The following RHOU variants were observed in gnomAD, a reference collection of about 807,000 sequenced individuals.
The protein encoded by RHOU is rho-related GTP-binding protein RhoU.
In RHOU, 8 loss-of-function variants were observed where a neutral mutation model predicts 12.6. The observed-to-expected ratio is 0.64, with a 90% CI of 0.37 to 1.15. The LOEUF (loss-of-function observed/expected upper bound fraction) is 1.15, where lower values mean the gene tolerates loss of function less well. Ranked by LOEUF, RHOU falls within the 50% of genes most tolerant of loss-of-function variation. RHOU has a pLI of 0.01. For synonymous variants in RHOU, 161 were observed against 147.4 expected (o/e 1.09, Z -0.67); for missense variants, 258 against 347.0 (o/e 0.74, Z 2.04).
chr1:228,668,350 T>C, the RHOU span, among the ~76,000 whole-genome samples: 9 of 152,184 alleles, frequency 5.9e-5, no homozygotes, highest in South Asian at 4.2e-4. Flanking sequence ...AAAAAGAGGG[T>C]TGTGGAAATC....
chr1:228,653,684 G>A, the RHOU span, among the ~76,000 whole-genome samples: 191 of 152,232 alleles, frequency 1.3e-3, 2 homozygotes, highest in Middle Eastern at 0.01. Flanking sequence ...TCGAACTCCT[G>A]GCCTCAAGCA....
chr1:228,663,187 T>A, the RHOU span, among the ~76,000 whole-genome samples: 1 of 152,232 alleles, frequency 6.6e-6, no homozygotes, highest in African/African-American at 2.4e-5. Flanking sequence ...TTTATGTATC[T>A]TACGGCTGCT....
chr1:228,647,734 G>A, the RHOU span, among the ~76,000 whole-genome samples: 1 of 152,174 alleles, frequency 6.6e-6, no homozygotes, highest in Non-Finnish European at 1.5e-5. Context: ...ATCGTGTTGC[G>A]CCGCCCATCC....
At chr1:228,674,809 C>A in the RHOU span, among the ~76,000 whole-genome samples, 1 of 152,084 alleles carries the variant, frequency 6.6e-6, no homozygotes, top group African/African-American at 2.4e-5. Context: ...CGGCTCACTG[C>A]AAGCTCCGCC....
At chr1:228,690,781 C>G in the RHOU span, among the ~76,000 whole-genome samples, 1 of 151,984 alleles carries the variant, frequency 6.6e-6, no homozygotes, top group African/African-American at 2.4e-5. Context: ...CATAGCCTGG[C>G]TAATTTTTTT....
At chr1:228,677,183 A>T in the RHOU span, among the ~76,000 whole-genome samples, 1 of 152,156 alleles carries the variant, frequency 6.6e-6, no homozygotes, top group African/African-American at 2.4e-5. Flanking sequence ...GTAAGGGGTG[A>T]TATTGTGGGG....
rs1414352323 is a variant in RHOU, at chr1:228,735,811, G to A, written c.69G>A (p.Arg23=). The A allele has an allele frequency of 3.3e-6, 4 of 1,221,710 alleles. No homozygotes were observed. In the Admixed American group the frequency reaches 1.3e-4, roughly 40 times the overall value. The allele number at this position is 1,221,710 out of a possible 1,614,324, so 75.7% of individuals were successfully genotyped here. A position where few individuals can be genotyped will look rare whatever the true frequency, so the allele number is the denominator to read the frequency against. Residue 23 remains arginine (R), a synonymous_variant, in exon 1 of 3, where the codon CGG becomes CGA. Coordinates refer to ENST00000366691, the MANE Select transcript of RHOU (RefSeq NM_021205.6). This position sits in a 1 kb window ranked among gnomAD's most constrained non-coding sequence, Gnocchi z 8.1. Reference sequence around the variant, plus strand: ...AGGCGCCTCCGGTGCCGCCGCGTCGGGAGCGCGGTGGACGCGGGGGACGCG... The same window carrying A: ...AGGCGCCTCCGGTGCCGCCGCGTCGAGAGCGCGGTGGACGCGGGGGACGCG... ...RCEAPPVPPR[R]ERGGRGGRGP...
chr1:228,712,734 G>A, the RHOU span, among the ~76,000 whole-genome samples: 11 of 150,092 alleles, frequency 7.3e-5, no homozygotes, highest in Admixed American at 1.3e-4. Context: ...TGGGTGCAGC[G>A]CACCACCATG....
chr1:228,678,033 G>A, the RHOU span, among the ~76,000 whole-genome samples: 3 of 152,252 alleles, frequency 2.0e-5, no homozygotes, highest in East Asian at 3.9e-4. Context: ...CTGACTCGGG[G>A]CATGTGAGTA....
the RHOU span, among the ~76,000 whole-genome samples, chr1:228,646,831 C>G: frequency 5.9e-5 from 9 of 152,106 alleles, no homozygotes; most frequent in Middle Eastern, 3.4e-3. Context: ...GAAACACAGA[C>G]ACACACGGCT....
chr1:228,733,204 T>TG (rs1376416894), upstream of RHOU, among the ~76,000 whole-genome samples: 5 of 152,380 alleles, frequency 3.3e-5, no homozygotes, highest in Non-Finnish European at 5.9e-5. Context: ...TTTGTAAGTG[T>TG]ATCTGCTGCA....
At chr1:228,682,046 T>C in the RHOU span, among the ~76,000 whole-genome samples, 1 of 152,050 alleles carries the variant, frequency 6.6e-6, no homozygotes. Flanking sequence ...ACACCAAGGG[T>C]AGGCTGTCTT....
rs1360539920 is a variant in RHOU, at chr1:228,745,330, A to G, written c.*1590A>G. On this transcript the variant is annotated 3_prime_UTR_variant, in exon 3 of 3. Transcript: ENST00000366691. ...GCGGTGGGTGACCCAGAGCCACCAA[A>G]GTCACATCCACAACTAATGAGGGAA... 1 of 152,246 alleles carries G rather than the reference A, an allele frequency of 6.6e-6. No homozygotes were observed. The highest frequency in any genetic ancestry group is 1.5e-5 in the Non-Finnish European group (1 of 68,038). The allele number at this position is 152,246 out of a possible 1,614,324, so 9.4% of individuals were successfully genotyped here. A position where few individuals can be genotyped will look rare whatever the true frequency, so the allele number is the denominator to read the frequency against.
the RHOU span, among the ~76,000 whole-genome samples, chr1:228,677,411 T>C: frequency 6.6e-6 from 1 of 152,194 alleles, no homozygotes; most frequent in Non-Finnish European, 1.5e-5. Context: ...GTTTTTGGGC[T>C]CTATCCTTGA....
chr1:228,650,378 A>G, the RHOU span: 4 of 459,354 alleles, frequency 8.7e-6, no homozygotes, highest in Non-Finnish European at 1.8e-5. Flanking sequence ...CTCAACATCA[A>G]CCTCTATTCA....
chr1:228,707,209 A>ATG, the RHOU span, among the ~76,000 whole-genome samples: 3 of 113,178 alleles, frequency 2.7e-5, no homozygotes, highest in East Asian at 4.4e-4. Flanking sequence ...ATATATACAT[A>ATG]TATATATACA....
At chr1:228,715,832 A>T in the RHOU span, among the ~76,000 whole-genome samples, 3 of 148,466 alleles carry the variant, frequency 2.0e-5, no homozygotes, top group Admixed American at 6.7e-5. Context: ...ATTGTGGTGG[A>T]TTTTTTTTTG....
At chr1:228,669,620 C>T in the RHOU span, among the ~76,000 whole-genome samples, 1 of 152,122 alleles carries the variant, frequency 6.6e-6, no homozygotes, top group Non-Finnish European at 1.5e-5. Context: ...AACTAAAAGG[C>T]CTTAACTTGC....
upstream of RHOU, chr1:228,735,108 G>C (rs1662564593): frequency 6.6e-6 from 1 of 152,310 alleles, no homozygotes; most frequent in South Asian, 2.1e-4. This position sits in a 1 kb window ranked among gnomAD's most constrained non-coding sequence, Gnocchi z 8.1. Context: ...AGGCGGCTCA[G>C]GCTTCCTGGC....
Sources: gnomAD v4.1 joint callset for allele counts (sites outside exome capture counted in the v4.1 genomes callset) on GRCh38, gnomAD v4.1.1 for gene constraint, Gnocchi (gnomAD v3.1) non-coding constraint, MANE v1.5 for transcripts, NCBI Gene and HGNC (gene_info 2026-07-23, HGNC 2026-07-21) for gene names.